RECK: variants seen among roughly 807,000 people sequenced by gnomAD.
RECK encodes the protein reversion inducing cysteine rich protein with kazal motifs.
A neutral mutation model predicts 115.1 loss-of-function variants in RECK; 69 were observed. The observed-to-expected ratio is 0.60, with a 90% CI of 0.49 to 0.73. The LOEUF (loss-of-function observed/expected upper bound fraction) is 0.73, where lower values mean the gene tolerates loss of function less well. Ranked by LOEUF, RECK falls within the 30% of genes least tolerant of loss-of-function variation. The probability of loss-of-function intolerance (pLI) is 0.00; values close to 1 mark genes in which losing one functional copy is unlikely to be tolerated. For synonymous variants in RECK, 414 were observed against 419.7 expected (o/e 0.99, Z 0.17); for missense variants, 1,047 against 1,203.7 (o/e 0.87, Z 1.93).
chr9:36,065,485 A>G (rs888543100), intron 5 of RECK, 92 bp from the exon 6 acceptor site: 1 of 883,606 alleles, frequency 1.1e-6, no homozygotes. Flanking sequence ...AGGATACTAT[A>G]TCAGTAATTA....
Position 36,052,311 on chromosome 9 carries a change from T to C in RECK, c.147T>C (p.Asp49=), listed in dbSNP as rs1462411980. ...CAAAGGATAACCAAATGTGCCGTGATGTATGTGAACAGGTAAGATTACATA... is the reference window on the plus strand; with the variant it reads ...CAAAGGATAACCAAATGTGCCGTGACGTATGTGAACAGGTAAGATTACATA... The part of the protein sequence containing the change: ...NHSKDNQMCR[D]VCEQIFSSKS... The change falls in exon 2 of 21, where the codon GAT becomes GAC. Residue 49 remains aspartate (D), a synonymous_variant. Transcript: ENST00000377966. The C allele has an allele frequency of 1.2e-6, 2 of 1,608,990 alleles. No individual in the cohort carries two copies. Among genetic ancestry groups the C allele is most frequent in the East Asian group, 2.2e-5 (1 of 44,846 alleles).
chr9:36,099,655 G>GT lies in RECK; in HGVS notation c.1086-667dup, dbSNP rs561982820. 2.1e-3 allele frequency among the ~76,000 whole-genome samples: 314 copies of GT among 150,362 alleles called. 1 individual carries two copies. The highest frequency in any genetic ancestry group is 5.2e-3 in the African/African-American group (211 of 40,960). ...ACAATTTTTTTGTTTGTTTGTTTTT[G>GT]TTTTTTTTTAGTAGAGATGAAATCT... On this transcript the variant is annotated intron_variant, in intron 10 of 20. Coordinates refer to ENST00000377966, the MANE Select transcript of RECK (RefSeq NM_021111.3).
chr9:36,082,152 T>TTCTCTCTCTCTCTC (rs71508008), intron 7 of RECK, among the ~76,000 whole-genome samples: 4,705 of 113,506 alleles, frequency 0.041, 336 homozygotes, highest in South Asian at 0.13. Flanking sequence ...CCTCCCTGCT[T>TTCTCTCTCTCTCTC]TCTCTCTCTC....
intron 10 of RECK, among the ~76,000 whole-genome samples, chr9:36,093,482 A>C (rs1419514311): frequency 6.6e-6 from 1 of 152,172 alleles, no homozygotes; most frequent in Non-Finnish European, 1.5e-5. Context: ...AAAAAACCAC[A>C]TGGAAACTCT....
chr9:36,119,085 AT>A, intron 18 of RECK, 118 bp downstream of exon 18: 1 of 1,002,904 alleles, frequency 1.0e-6, no homozygotes, highest in Non-Finnish European at 1.5e-6. Context: ...TCTTGAAGAG[AT>A]TCTTATGCTG....
At chr9:36,121,461 C>T (rs1824456078) in intron 19 of RECK, 72 bp from the exon 20 acceptor site, 3 of 1,469,380 alleles carry the variant, frequency 2.0e-6, no homozygotes, top group Non-Finnish European at 2.8e-6. Flanking sequence ...AGCTGGCAGC[C>T]CAAAGCAAGG....
At position 36,118,955 on chromosome 9, in the gene RECK, A is replaced by C. The variant is rs750338819; in HGVS notation, c.2452A>C (p.Ile818Leu). 6.1e-5 allele frequency: 98 copies of C among 1,612,430 alleles called. No individual in the cohort carries two copies. The East Asian group carries it at 1.9e-3, about 32-fold the overall frequency. ...GCTCTTGGCAGCTGGATGCAAACCCATCATCCCACCGGGTAGGCTGGCAGT... is the reference window on the plus strand; with the variant it reads ...GCTCTTGGCAGCTGGATGCAAACCCCTCATCCCACCGGGTAGGCTGGCAGT... ...PSLLAAGCKPIIPPGACCPLC... is the reference protein window; with the variant it reads ...PSLLAAGCKPLIPPGACCPLC... Residue 818 changes from isoleucine to leucine, a missense_variant, in exon 18 of 21, where the codon ATC (isoleucine) becomes CTC (leucine). By Grantham distance (5) the Ile-to-Leu change is conservative (BLOSUM62 2). Coordinates refer to ENST00000377966, the MANE Select transcript of RECK (RefSeq NM_021111.3).
At chr9:36,041,069 T>G (rs558744646) in intron 1 of RECK, among the ~76,000 whole-genome samples, 47 of 152,274 alleles carry the variant, frequency 3.1e-4, no homozygotes, top group African/African-American at 1.1e-3. Flanking sequence ...GACACTGTGA[T>G]AGGCAGAGGT....
chr9:36,120,635 C>A (rs143750261), intron 18 of RECK, 28 bp from the exon 19 acceptor site: 481 of 1,526,084 alleles, frequency 3.2e-4, no homozygotes, highest in East Asian at 2.3e-5. Context: ...TAATTCTGAA[C>A]GCACATAAAA....
chr9:36,049,008 A>G (rs970413263), intron 1 of RECK, among the ~76,000 whole-genome samples: 1 of 152,150 alleles, frequency 6.6e-6, no homozygotes, highest in Non-Finnish European at 1.5e-5. Flanking sequence ...TGCTAGACCA[A>G]CTCACAGAAC....
chr9:36,038,207 C>T (rs1384622908), intron 1 of RECK, among the ~76,000 whole-genome samples: 2 of 151,612 alleles, frequency 1.3e-5, no homozygotes, highest in Non-Finnish European at 2.9e-5. Flanking sequence ...CAGCTACCCG[C>T]GAGGCTGAGA....
intron 12 of RECK, among the ~76,000 whole-genome samples, chr9:36,104,517 C>CTTT (rs375907420): frequency 7.5e-6 from 1 of 132,636 alleles, no homozygotes; most frequent in African/African-American, 2.8e-5. Context: ...TGAGGGGGGG[C>CTTT]TTTTTTTTTT....
intron 10 of RECK, among the ~76,000 whole-genome samples, chr9:36,097,337 A>G (rs1341048157): frequency 3.3e-5 from 5 of 151,850 alleles, no homozygotes; most frequent in Non-Finnish European, 7.4e-5. Flanking sequence ...CAAAAAAAAA[A>G]AAAAAAAGAA....
chr9:36,090,410 G>A (rs756428599), intron 9 of RECK, among the ~76,000 whole-genome samples: 1 of 151,936 alleles, frequency 6.6e-6, no homozygotes, highest in Non-Finnish European at 1.5e-5. Context: ...TTTGTCATAG[G>A]GGTAAATATG....
At position 36,118,858 on chromosome 9, in the gene RECK, G is replaced by A. The variant is rs1824359917; in HGVS notation, c.2355G>A (p.Gly785=). The A allele has an allele frequency of 3.1e-6, 5 of 1,614,062 alleles. No individual in the cohort carries two copies. In the East Asian group the frequency reaches 8.9e-5, roughly 29 times the overall value. ...YSDRVAVDYY[G]DCQAVGVLSE... is the part of the protein sequence containing the mutation. The stretch of plus-strand genomic sequence containing the variant: ...ATCGCGTGGCAGTCGATTACTATGG[G>A]GACTGCCAGGCCGTCGGAGTCCTCT... Residue 785 remains glycine (G), a synonymous_variant, in exon 18 of 21, where the codon GGG becomes GGA. Coordinates refer to ENST00000377966, the MANE Select transcript of RECK (RefSeq NM_021111.3).
chr9:36,110,882 A>G (rs1824016069), intron 15 of RECK, among the ~76,000 whole-genome samples: 1 of 152,122 alleles, frequency 6.6e-6, no homozygotes, highest in Non-Finnish European at 1.5e-5. Context: ...TGGAAATAAA[A>G]AGGGGATCAG....
chr9:36,117,064 C>T lies in RECK; in HGVS notation c.2140C>T (p.Leu714Phe). Residue 714 changes from leucine (L) to phenylalanine (F), a missense_variant, in exon 17 of 21, where the codon CTC becomes TTC. Leu to Phe is a conservative substitution (Grantham distance 22). Transcript: ENST00000377966. ...CSQYECVPRQ[L>F]ACDQVQDPVC... is the part of the protein sequence containing the mutation. The stretch of plus-strand genomic sequence containing the variant: ...CCAGTATGAGTGTGTACCAAGACAG[C>T]TCGCGTGTGACCAGGTCCAAGATCC... 1 of 1,614,142 alleles carries T rather than the reference C, an allele frequency of 6.2e-7. No homozygotes were observed. Among genetic ancestry groups the T allele is most frequent in the Non-Finnish European group, 8.5e-7 (1 of 1,179,990 alleles).
Position 36,036,929 on chromosome 9 carries a change from T to C in RECK, c.-70T>C, listed in dbSNP as rs555727081. ...CGGGGCCTCGCGCGAGCGGCGGCGG[T>C]AGCGGCGGCAGCGGCTGCGGCCAAG... On this transcript the variant is annotated 5_prime_UTR_variant, in exon 1 of 21. Transcript: ENST00000377966. 65 of 1,036,096 alleles carry C rather than the reference T, an allele frequency of 6.3e-5. No individual in the cohort carries two copies. Among genetic ancestry groups the C allele is most frequent in the African/African-American group, 5.1e-4 (30 of 58,612 alleles). The allele number at this position is 1,036,096 out of a possible 1,614,324, so 64.2% of individuals were successfully genotyped here.
intron 7 of RECK, among the ~76,000 whole-genome samples, chr9:36,082,600 C>T (rs1025157491): frequency 6.6e-6 from 1 of 152,160 alleles, no homozygotes; most frequent in Non-Finnish European, 1.5e-5. Flanking sequence ...ACTCATCTAG[C>T]TCTCCCAAAA....
Sources: gnomAD v4.1 joint callset for allele counts (sites outside exome capture counted in the v4.1 genomes callset) on GRCh38, gnomAD v4.1.1 for gene constraint, MANE v1.5 for transcripts, NCBI Gene and HGNC (gene_info 2026-07-23, HGNC 2026-07-21) for gene names.